Variants in LMX1B observed in about 807,000 individuals in gnomAD.
LMX1B encodes LIM homeobox transcription factor 1 beta.
LMX1B carries 12 observed loss-of-function variants against 51.4 expected under a neutral mutation model. The ratio of observed to expected loss-of-function variants is 0.23; its 90% CI spans 0.15 to 0.38. LMX1B has a LOEUF of 0.38. LMX1B is among the 10% of genes least tolerant of loss of function. The pLI is 1.00. For missense variants in LMX1B, 445 were observed against 571.1 expected, an observed-to-expected ratio of 0.78 and a Z score of 2.25; for synonymous variants, 237 against 235.4, an observed-to-expected ratio of 1.01 and a Z score of -0.06.
At chr9:126,617,984 C>G (rs995298653) in intron 2 of LMX1B, among the ~76,000 whole-genome samples, 2 of 152,068 alleles carry the variant, frequency 1.3e-5, no homozygotes, top group Non-Finnish European at 2.9e-5. Context: ...GATGGAGCGC[C>G]GCTCCAGGCA....
At chr9:126,624,932 C>A (rs1482361395) in intron 2 of LMX1B, among the ~76,000 whole-genome samples, 10 of 152,122 alleles carry the variant, frequency 6.6e-5, no homozygotes, top group Non-Finnish European at 2.9e-5. Flanking sequence ...TGTAACTTTT[C>A]ATTATGAAAA....
At chr9:126,693,440 G>A (rs1462393162) in intron 4 of LMX1B, 84 bp from the exon 5 acceptor site, 90 of 1,554,420 alleles carry the variant, frequency 5.8e-5, no homozygotes, top group Non-Finnish European at 7.1e-5. Context: ...CCATCTCTCC[G>A]CACATCCCAT....
intron 2 of LMX1B, among the ~76,000 whole-genome samples, chr9:126,646,890 G>C (rs1341897792): frequency 1.3e-5 from 2 of 150,030 alleles, no homozygotes; most frequent in East Asian, 1.9e-4. Flanking sequence ...AGTCTAACAA[G>C]GGGGTAGGGG....
At chr9:126,622,930 AG>A (rs984874546) in intron 2 of LMX1B, among the ~76,000 whole-genome samples, 3 of 152,248 alleles carry the variant, frequency 2.0e-5, no homozygotes, top group Admixed American at 2.0e-4. Context: ...CTCTGTGAAA[AG>A]GGGGTAGTAA....
intron 2 of LMX1B, among the ~76,000 whole-genome samples, chr9:126,623,714 G>A (rs900700004): frequency 1.3e-5 from 2 of 151,982 alleles, no homozygotes; most frequent in Admixed American, 6.6e-5. Flanking sequence ...GTGGGGAGGG[G>A]GAGTCGCTAC....
At chr9:126,631,017 C>T (rs1054992011) in intron 2 of LMX1B, among the ~76,000 whole-genome samples, 3 of 152,254 alleles carry the variant, frequency 2.0e-5, no homozygotes, top group Admixed American at 1.3e-4. Flanking sequence ...CACGTGCCCC[C>T]GCCTGCCCAC....
chr9:126,696,130 C>T (rs922126502), intron 7 of LMX1B, 127 bp downstream of exon 7: 1 of 1,164,280 alleles, frequency 8.6e-7, no homozygotes, highest in South Asian at 1.4e-5. Flanking sequence ...GCACAGCCCT[C>T]CTGCCCCTGC....
intron 2 of LMX1B, among the ~76,000 whole-genome samples, chr9:126,679,235 C>CTA (rs57146075): frequency 0.072 from 10,970 of 152,184 alleles, 1,303 homozygotes; most frequent in African/African-American, 0.25. Flanking sequence ...AACTGAGTCA[C>CTA]TACATGGCGT....
chr9:126,650,394 CG>C (rs1324681786), intron 2 of LMX1B, among the ~76,000 whole-genome samples: 1 of 152,122 alleles, frequency 6.6e-6, no homozygotes, highest in Non-Finnish European at 1.5e-5. Flanking sequence ...GAGAGGCAGG[CG>C]GGAGCTCCGA....
chr9:126,676,245 C>T (rs1403840474), intron 2 of LMX1B, among the ~76,000 whole-genome samples: 9 of 152,108 alleles, frequency 5.9e-5, no homozygotes, highest in Admixed American at 4.6e-4. Context: ...CTGGCCTCTC[C>T]GTCACCTCCC....
intron 3 of LMX1B, among the ~76,000 whole-genome samples, chr9:126,692,553 G>C (rs1373329199): frequency 6.6e-6 from 1 of 152,254 alleles, no homozygotes. Flanking sequence ...GGGCCCATGT[G>C]TGTGAATACG....
chr9:126,676,076 G>A (rs1564163726), intron 2 of LMX1B, among the ~76,000 whole-genome samples: 1 of 151,168 alleles, frequency 6.6e-6, no homozygotes, highest in Admixed American at 6.6e-5. Context: ...ATGTTCAGTA[G>A]ACAGTGTGTA....
rs988694668 is a variant in LMX1B, at chr9:126,677,764, G to A, written c.327-13072G>A. Among the ~76,000 whole-genome samples, 2 of 152,120 alleles carry A rather than the reference G, an allele frequency of 1.3e-5. No homozygotes were observed. Among genetic ancestry groups the A allele is most frequent in the Non-Finnish European group, 2.9e-5 (2 of 68,050 alleles). On this transcript the variant is annotated intron_variant, in intron 2 of 7. Transcript: ENST00000373474. The surrounding 1 kb of genome is among the most constrained non-coding windows in gnomAD (Gnocchi z 5.0). ...ATTCACAGCCTGCGTTCAAACATTC[G>A]AGCAGGAGCACAGGGCATGTACTCA...
chr9:126,663,434 A>G (rs995958037), intron 2 of LMX1B, among the ~76,000 whole-genome samples: 1 of 91,380 alleles, frequency 1.1e-5, no homozygotes, highest in African/African-American at 2.9e-5. Context: ...AAAAAAAAAA[A>G]AAAAGAAAAA....
Position 126,700,277 on chromosome 9 carries a change from C to T in LMX1B, c.*3826C>T, listed in dbSNP as rs1391900477. ...GCACGTGGCTGGGCATCTTAGGAGG[C>T]TTCCTGAGGGTGGGTAAAGGTGGGA... On this transcript the variant is annotated 3_prime_UTR_variant, in exon 8 of 8. Transcript: ENST00000373474. The T allele has an allele frequency of 6.6e-6, 1 of 152,236 alleles. No homozygotes were observed. Among genetic ancestry groups the T allele is most frequent in the African/African-American group, 2.4e-5 (1 of 41,424 alleles). 9.4% of individuals were successfully genotyped at this position (152,236 alleles called of 1,614,324 possible). A position where few individuals can be genotyped will look rare whatever the true frequency, so the allele number is the denominator to read the frequency against.
At chr9:126,648,396 G>C (rs1185411413) in intron 2 of LMX1B, among the ~76,000 whole-genome samples, 1 of 152,170 alleles carries the variant, frequency 6.6e-6, no homozygotes, top group African/African-American at 2.4e-5. Context: ...GGGAGAACCA[G>C]GCCAGGCTCT....
intron 2 of LMX1B, among the ~76,000 whole-genome samples, chr9:126,672,961 G>T (rs544205362): frequency 1.3e-5 from 2 of 152,240 alleles, no homozygotes; most frequent in African/African-American, 4.8e-5. Flanking sequence ...AGAACGGTGC[G>T]CCTCTCGCCG....
chr9:126,621,032 A>T (rs1194980918), intron 2 of LMX1B, among the ~76,000 whole-genome samples: 2 of 152,114 alleles, frequency 1.3e-5, no homozygotes, highest in African/African-American at 4.8e-5. Flanking sequence ...TGAGGTTTCC[A>T]CCCATGGGTG....
intron 2 of LMX1B, among the ~76,000 whole-genome samples, chr9:126,655,224 C>T (rs1381826627): frequency 6.6e-6 from 1 of 152,254 alleles, no homozygotes; most frequent in African/African-American, 2.4e-5. Context: ...CAGCTCAGCC[C>T]TGACCACTGC....
Sources: gnomAD v4.1 joint callset for allele counts (sites outside exome capture counted in the v4.1 genomes callset) on GRCh38, gnomAD v4.1.1 for gene constraint, Gnocchi (gnomAD v3.1) non-coding constraint, MANE v1.5 for transcripts, NCBI Gene and HGNC (gene_info 2026-07-23, HGNC 2026-07-21) for gene names.